The following RAD51AP2 variants were observed in gnomAD, a reference collection of about 807,000 sequenced individuals.
The protein encoded by RAD51AP2 is RAD51-associated protein 2.
In RAD51AP2, 67 loss-of-function variants were observed where a neutral mutation model predicts 85.5. The ratio of observed to expected loss-of-function variants is 0.78; its 90% CI spans 0.64 to 0.96. The LOEUF is 0.96. Among genes scored for constraint, RAD51AP2 ranks in the 40% least tolerant of loss-of-function variants. RAD51AP2 has a pLI of 0.00. For synonymous variants in RAD51AP2, 474 were observed against 446.5 expected, an observed-to-expected ratio of 1.06 and a Z score of -0.78; for missense variants, 1,307 against 1,332.4, an observed-to-expected ratio of 0.98 and a Z score of 0.30.
At chr2:17,528,375 CAGT>C in the RAD51AP2 span, among the ~76,000 whole-genome samples, 1 of 152,104 alleles carries the variant, frequency 6.6e-6, no homozygotes, top group Non-Finnish European at 1.5e-5. Context: ...ATCATTAAAT[CAGT>C]AGCATGTAGA....
At chr2:17,523,852 G>C in the RAD51AP2 span, among the ~76,000 whole-genome samples, 1 of 151,894 alleles carries the variant, frequency 6.6e-6, no homozygotes, top group Non-Finnish European at 1.5e-5. Flanking sequence ...ATCTAGGACA[G>C]AGTATAGCCA....
chr2:17,517,417 T>A lies in RAD51AP2; in HGVS notation c.999A>T (p.Ser333=). 1 of 1,613,690 alleles carries A rather than the reference T, an allele frequency of 6.2e-7. No individual in the cohort carries two copies. Among genetic ancestry groups the A allele is most frequent in the Non-Finnish European group, 8.5e-7 (1 of 1,179,888 alleles). Residue 333 remains serine (S), a synonymous_variant, in exon 1 of 3, where the codon TCA becomes TCT. Coordinates refer to ENST00000399080, the MANE Select transcript of RAD51AP2 (RefSeq NM_001099218.3). ...FSKCYENDYP[S]LSSQNTCKRK... ...TCTTACAAGTATTTTGGCTACTGAG[T>A]GATGGGTAGTCATTTTCATAACATT...
intron 2 of RAD51AP2, among the ~76,000 whole-genome samples, chr2:17,513,074 G>A (rs777636410): frequency 3.3e-5 from 5 of 151,866 alleles, no homozygotes; most frequent in East Asian, 1.9e-4. Context: ...ATTTCTGACC[G>A]GATTATAACT....
chr2:17,514,706 G>T (rs1300452611), intron 1 of RAD51AP2, among the ~76,000 whole-genome samples: 1 of 152,060 alleles, frequency 6.6e-6, no homozygotes, highest in African/African-American at 2.4e-5. Context: ...GGAGGCAGAG[G>T]TTACAGTGAG....
At chr2:17,533,831 C>G in the RAD51AP2 span, among the ~76,000 whole-genome samples, 1 of 152,198 alleles carries the variant, frequency 6.6e-6, no homozygotes, top group Admixed American at 6.5e-5. Flanking sequence ...AGGAGGATCA[C>G]TTGAGGCCAG....
chr2:17,530,356 T>C, the RAD51AP2 span, among the ~76,000 whole-genome samples: 7 of 152,116 alleles, frequency 4.6e-5, no homozygotes, highest in Non-Finnish European at 1.0e-4. Flanking sequence ...TAAATGATCC[T>C]ACAAGTTATT....
At chr2:17,532,048 G>T in the RAD51AP2 span, among the ~76,000 whole-genome samples, 23 of 141,078 alleles carry the variant, frequency 1.6e-4, no homozygotes, top group South Asian at 4.2e-4. Context: ...AAGCCGGGGT[G>T]GGGGGGGAAG....
At chr2:17,511,463 G>A (rs186018781) in intron 2 of RAD51AP2, among the ~76,000 whole-genome samples, 29 of 152,194 alleles carry the variant, frequency 1.9e-4, no homozygotes, top group Admixed American at 1.4e-3. Flanking sequence ...TATCATTTTC[G>A]AAGATGTCCA....
Position 17,517,222 on chromosome 2 carries a change from G to C in RAD51AP2, c.1194C>G (p.Asn398Lys). Residue 398 changes from asparagine to lysine, a missense_variant, in exon 1 of 3, where the codon AAC becomes AAG. Asn to Lys is a moderately conservative substitution (Grantham distance 94, BLOSUM62 0). This residue lies in a region of RAD51AP2 where 635 missense variants were observed against 643.6 expected (regional missense o/e 0.99). Transcript: ENST00000399080. Reference protein sequence around the residue: ...RLEKSQNWDCNVRHILRRNRG... With the variant: ...RLEKSQNWDCKVRHILRRNRG... ...TATTTCTTCTCAAAATATGTCTAAC[G>C]TTACAGTCCCAGTTTTGAGATTTTT... 6.2e-7 allele frequency: 1 copy of C among 1,613,410 alleles called. No homozygotes were observed. Among genetic ancestry groups the C allele is most frequent in the African/African-American group, 1.3e-5 (1 of 74,852 alleles).
At chr2:17,519,494 A>G (rs1220830168), upstream of RAD51AP2, among the ~76,000 whole-genome samples, 9 of 152,156 alleles carry the variant, frequency 5.9e-5, no homozygotes, top group Admixed American at 5.9e-4. Flanking sequence ...AATTTATAAT[A>G]ACTACAATAA....
chr2:17,510,827 C>A lies in RAD51AP2; in HGVS notation c.3457G>T (p.Gly1153Ter). The change falls in exon 3 of 3, where the codon GGA becomes TGA. Residue 1153 changes from glycine to a stop codon, truncating the protein, a stop_gained. Coordinates refer to ENST00000399080, the MANE Select transcript of RAD51AP2 (RefSeq NM_001099218.3). LOFTEE classifies it high-confidence loss of function. The part of the protein sequence containing the change: ...LHPYLKQMCY[G>*]NLKENF ...AGTCAAAAATTTTCTTTTAAGTTTC[C>A]GTAACACATTTGTTTCAGATAAGGA... 6.3e-7 allele frequency: 1 copy of A among 1,581,826 alleles called. No individual in the cohort carries two copies. Among genetic ancestry groups the A allele is most frequent in the Admixed American group, 1.8e-5 (1 of 55,388 alleles).
At chr2:17,514,541 G>T (rs918422941) in intron 1 of RAD51AP2, among the ~76,000 whole-genome samples, 26 of 151,850 alleles carry the variant, frequency 1.7e-4, no homozygotes, top group South Asian at 4.2e-4. Flanking sequence ...GGCGGCGGGG[G>T]GGGTGGATCA....
At chr2:17,533,350 T>C in the RAD51AP2 span, among the ~76,000 whole-genome samples, 1 of 152,238 alleles carries the variant, frequency 6.6e-6, no homozygotes. Context: ...TTTCTGTTTT[T>C]ACTAAAATCA....
the RAD51AP2 span, among the ~76,000 whole-genome samples, chr2:17,534,641 CTGTT>C: frequency 1.3e-5 from 2 of 151,904 alleles, no homozygotes; most frequent in South Asian, 2.1e-4. Flanking sequence ...GTAATGCTCT[CTGTT>C]TGTGAATCAA....
At chr2:17,512,992 G>A (rs763110162) in intron 2 of RAD51AP2, among the ~76,000 whole-genome samples, 3 of 152,132 alleles carry the variant, frequency 2.0e-5, no homozygotes, top group African/African-American at 7.2e-5. Context: ...CATGACTTAA[G>A]ATGTTTTAGT....
Position 17,516,095 on chromosome 2 carries a change from A to T in RAD51AP2, c.2321T>A (p.Ile774Asn). Residue 774 changes from isoleucine to asparagine, a missense_variant, in exon 1 of 3, where the codon ATC becomes AAC. Physicochemically the swap from Ile to Asn is moderately radical, Grantham distance 149. This residue lies in a region of RAD51AP2 where 668 missense variants were observed against 671.0 expected (regional missense o/e 1.00). Transcript: ENST00000399080. ...NMERKQGHNK[I>N]SNFDCEHIFE... The stretch of plus-strand genomic sequence containing the variant: ...TATGTGCTCACAGTCAAAGTTACTG[A>T]TCTTATTATGTCCCTGTTTTCTTTC... 6.2e-7 allele frequency: 1 copy of T among 1,612,774 alleles called. No individual in the cohort carries two copies. The highest frequency in any genetic ancestry group is 1.1e-5 in the South Asian group (1 of 90,726).
At chr2:17,518,501 T>C (rs1438462125), upstream of RAD51AP2, 17 of 1,496,934 alleles carry the variant, frequency 1.1e-5, no homozygotes, top group East Asian at 2.3e-5. Context: ...GTCACGCCCC[T>C]GACCCGCCCC....
the RAD51AP2 span, among the ~76,000 whole-genome samples, chr2:17,536,951 G>C: frequency 6.6e-6 from 1 of 152,176 alleles, no homozygotes; most frequent in African/African-American, 2.4e-5. Context: ...TATTCTAAGA[G>C]ATACTTCCTA....
At chr2:17,536,130 A>C in the RAD51AP2 span, among the ~76,000 whole-genome samples, 1 of 152,104 alleles carries the variant, frequency 6.6e-6, no homozygotes, top group Non-Finnish European at 1.5e-5. Context: ...TGAGGTTGAG[A>C]GTTTAATTAA....
Sources: allele counts gnomAD v4.1 joint callset (sites outside exome capture counted in the v4.1 genomes callset), GRCh38; gene constraint gnomAD v4.1.1; regional missense constraint gnomAD v4.1.1; transcripts MANE v1.5; gene names NCBI Gene and HGNC (gene_info 2026-07-23, HGNC 2026-07-21).